Variants in CCBE1 observed in about 807,000 individuals in gnomAD.
CCBE1 encodes collagen and calcium-binding EGF domain-containing protein 1.
CCBE1 carries 37 observed loss-of-function variants against 50.0 expected under a neutral mutation model. The observed-to-expected ratio is 0.74, with a 90% confidence interval of 0.57 to 0.97. The LOEUF (loss-of-function observed/expected upper bound fraction) is 0.97, where lower values mean the gene tolerates loss of function less well. Ranked by LOEUF, CCBE1 falls within the 50% of genes least tolerant of loss-of-function variation. CCBE1 has a pLI of 0.00. For missense variants in CCBE1, 538 were observed against 523.8 expected, an observed-to-expected ratio of 1.03 and a Z score of -0.26; for synonymous variants, 234 against 203.7, an observed-to-expected ratio of 1.15 and a Z score of -1.27.
At chr18:59,685,352 T>A (rs559684201) in intron 2 of CCBE1, among the ~76,000 whole-genome samples, 1 of 151,864 alleles carries the variant, frequency 6.6e-6, no homozygotes, top group African/African-American at 2.4e-5. Flanking sequence ...CCACACAGAA[T>A]GGAAAGGGTC....
intron 2 of CCBE1, among the ~76,000 whole-genome samples, chr18:59,562,614 C>A (rs1174698612): frequency 1.3e-5 from 2 of 152,234 alleles, no homozygotes; most frequent in Admixed American, 6.5e-5. Context: ...TACGTTCTGG[C>A]CGGAATCCAG....
chr18:59,508,402 C>A (rs1413329228), intron 2 of CCBE1, among the ~76,000 whole-genome samples: 3 of 151,908 alleles, frequency 2.0e-5, no homozygotes, highest in Non-Finnish European at 2.9e-5. Context: ...GTGAGACCAG[C>A]CCAGCCAAAA....
chr18:59,449,015 A>C (rs1377709059), intron 6 of CCBE1, among the ~76,000 whole-genome samples: 1 of 152,144 alleles, frequency 6.6e-6, no homozygotes, highest in East Asian at 1.9e-4. Flanking sequence ...TGTATCAGTA[A>C]ATCTACTGCA....
intron 2 of CCBE1, among the ~76,000 whole-genome samples, chr18:59,574,720 T>C (rs889271107): frequency 4.6e-5 from 7 of 152,224 alleles, no homozygotes; most frequent in African/African-American, 1.7e-4. Context: ...CTTTGTTACA[T>C]AGGTCTTGTG....
intron 5 of CCBE1, among the ~76,000 whole-genome samples, chr18:59,457,068 G>A (rs1056515642): frequency 6.6e-6 from 1 of 152,170 alleles, no homozygotes; most frequent in Non-Finnish European, 1.5e-5. Context: ...TAGCTCTTTA[G>A]GCAGGTTTTG....
chr18:59,456,684 C>A (rs56318241), intron 5 of CCBE1, among the ~76,000 whole-genome samples: 22,870 of 152,186 alleles, frequency 0.15, 1,743 homozygotes, highest in African/African-American at 0.17. Flanking sequence ...AGGAAACAGA[C>A]ACTTGAATGG....
chr18:59,452,728 C>T (rs904274435), intron 6 of CCBE1, among the ~76,000 whole-genome samples: 7 of 152,170 alleles, frequency 4.6e-5, no homozygotes, highest in African/African-American at 7.2e-5. Context: ...ATCTTTTCCA[C>T]GGGGTCATGG....
intron 2 of CCBE1, among the ~76,000 whole-genome samples, chr18:59,511,015 C>G (rs892095282): frequency 2.0e-5 from 3 of 152,178 alleles, no homozygotes; most frequent in African/African-American, 7.2e-5. Context: ...CTGGAAGGAC[C>G]TAGAGCCTAT....
chr18:59,689,229 G>A (rs572404144), intron 2 of CCBE1, among the ~76,000 whole-genome samples: 9 of 152,284 alleles, frequency 5.9e-5, no homozygotes, highest in African/African-American at 9.6e-5. Context: ...GACAGCCCAC[G>A]GGGCTGACAT....
At position 59,687,822 on chromosome 18, in the gene CCBE1, G is replaced by A. The variant is rs570727334; in HGVS notation, c.212+8807C>T. On this transcript the variant is annotated intron_variant, in intron 2 of 10. Coordinates refer to ENST00000439986, the MANE Select transcript of CCBE1 (RefSeq NM_133459.4). ...AAAAATACAAAAAAATTAGCTGGGC[G>A]TGGTGGCACATGCTTATAGTCCCAG... is the stretch of plus-strand genomic sequence containing the variant. Among the ~76,000 whole-genome samples, 17 of 152,246 alleles carry A rather than the reference G, an allele frequency of 1.1e-4. 2 individuals are homozygous for A. In the South Asian group the frequency reaches 2.9e-3, roughly 26 times the overall value.
At chr18:59,442,557 A>G (rs1910482479) in intron 7 of CCBE1, among the ~76,000 whole-genome samples, 1 of 151,924 alleles carries the variant, frequency 6.6e-6, no homozygotes, top group African/African-American at 2.4e-5. Flanking sequence ...GTGAAACCCC[A>G]TCTCTACTAA....
At chr18:59,480,126 A>G in intron 3 of CCBE1, 60 bp downstream of exon 3, 1 of 1,045,682 alleles carries the variant, frequency 9.6e-7, no homozygotes, top group Non-Finnish European at 1.5e-6. Flanking sequence ...TCTGAAGTTG[A>G]TAGACTTTGA....
intron 2 of CCBE1, among the ~76,000 whole-genome samples, chr18:59,513,880 CA>C (rs1383840939): frequency 6.6e-6 from 1 of 152,176 alleles, no homozygotes; most frequent in African/African-American, 2.4e-5. Flanking sequence ...TCCCAGGAAG[CA>C]GGGGGAGAGA....
intron 2 of CCBE1, among the ~76,000 whole-genome samples, chr18:59,499,925 G>A (rs1166374969): frequency 6.6e-6 from 1 of 152,134 alleles, no homozygotes; most frequent in African/African-American, 2.4e-5. Context: ...TCCCTTTTAG[G>A]CCAGTATCTT....
At chr18:59,447,382 A>G (rs1345372157) in intron 7 of CCBE1, among the ~76,000 whole-genome samples, 4 of 152,246 alleles carry the variant, frequency 2.6e-5, no homozygotes, top group East Asian at 1.9e-4. Context: ...GAAATGTTCT[A>G]TATCTTGAAA....
At chr18:59,437,303 C>T (rs887106851) in intron 10 of CCBE1, among the ~76,000 whole-genome samples, 1 of 152,152 alleles carries the variant, frequency 6.6e-6, no homozygotes, top group African/African-American at 2.4e-5. Context: ...CAGCGGGCAC[C>T]GTGGAAGCAG....
intron 2 of CCBE1, among the ~76,000 whole-genome samples, chr18:59,539,413 A>G (rs1489130633): frequency 1.3e-5 from 2 of 152,140 alleles, no homozygotes; most frequent in South Asian, 2.1e-4. Context: ...CAATAACCAT[A>G]TGAGCCTGGA....
chr18:59,608,705 C>T (rs900205003), intron 2 of CCBE1, among the ~76,000 whole-genome samples: 5 of 152,156 alleles, frequency 3.3e-5, no homozygotes, highest in East Asian at 1.9e-4. Flanking sequence ...TGAGTGAAAA[C>T]GTCTCTCTTG....
At chr18:59,447,958 C>T (rs779323436) in intron 7 of CCBE1, 25 bp downstream of exon 7, 1 of 1,613,888 alleles carries the variant, frequency 6.2e-7, no homozygotes, top group East Asian at 2.2e-5. Flanking sequence ...GGTGATCACC[C>T]TCCTGTGCCC....
Sources: allele counts gnomAD v4.1 joint callset (sites outside exome capture counted in the v4.1 genomes callset), GRCh38; gene constraint gnomAD v4.1.1; transcripts MANE v1.5; gene names NCBI Gene and HGNC (gene_info 2026-07-23, HGNC 2026-07-21).